Variants in PLIN1 observed in about 807,000 individuals in gnomAD.
The protein encoded by PLIN1 is perilipin-1.
In PLIN1, 37 loss-of-function variants were observed where a neutral mutation model predicts 45.8. The ratio of observed to expected loss-of-function variants is 0.81; its 90% confidence interval spans 0.62 to 1.06. PLIN1 has a LOEUF of 1.06. PLIN1 is among the 50% of genes least tolerant of loss of function. The pLI, the probability that PLIN1 is intolerant of heterozygous loss-of-function variation, is 0.00. For missense variants in PLIN1, 776 were observed against 716.5 expected, an observed-to-expected ratio of 1.08 and a Z score of -0.95; for synonymous variants, 340 against 309.2, an observed-to-expected ratio of 1.10 and a Z score of -1.05.
At chr15:89,667,850 G>A in intron 6 of PLIN1, 57 bp from the exon 7 acceptor site, 1 of 1,537,226 alleles carries the variant, frequency 6.5e-7, no homozygotes. Context: ...AGGCCAGGGA[G>A]CCCCAGCAGC....
chr15:89,665,668 C>G lies in PLIN1; in HGVS notation c.1484G>C (p.Arg495Thr), dbSNP rs1964322609. 6.7e-7 allele frequency: 1 copy of G among 1,490,380 alleles called. No homozygotes were observed. The highest frequency in any genetic ancestry group is 2.2e-5 in the Admixed American group (1 of 46,282). The allele number at this position is 1,490,380 out of a possible 1,614,324, so 92.3% of individuals were successfully genotyped here. Reference sequence around the variant, plus strand: ...GGGCCGGAAGAAGCTGTCGCTGACCCTGCGCTTTGGCTTCTCGCGGGGCAC... The same window carrying G: ...GGGCCGGAAGAAGCTGTCGCTGACCGTGCGCTTTGGCTTCTCGCGGGGCAC... Reference protein sequence around the residue: ...PAVPREKPKRRVSDSFFRPSV... With the variant: ...PAVPREKPKRTVSDSFFRPSV... The change falls in exon 9 of 9, where the codon AGG becomes ACG. Residue 495 changes from arginine to threonine, a missense_variant. Coordinates refer to ENST00000300055, the MANE Select transcript of PLIN1 (RefSeq NM_002666.5).
chr15:89,675,412 C>T (rs1964500668), intron 2 of PLIN1, among the ~76,000 whole-genome samples: 1 of 128,522 alleles, frequency 7.8e-6, no homozygotes, highest in Non-Finnish European at 1.6e-5. Context: ...TTTGAGACCA[C>T]TCTGAGCCAC....
chr15:89,665,893 T>C lies in PLIN1; in HGVS notation c.1259A>G (p.Asp420Gly). 1 of 1,534,380 alleles carries C rather than the reference T, an allele frequency of 6.5e-7. No individual in the cohort carries two copies. The highest frequency in any genetic ancestry group is 8.7e-7 in the Non-Finnish European group (1 of 1,149,846). ...GCGCTCGACCTCGGCTGGTGGGTTG[T>C]CGATGTCCCGGAATTCGCTCTCGGG... ...MEPESEFRDIDNPPAEVERRE... is the reference protein window; with the variant it reads ...MEPESEFRDIGNPPAEVERRE... Residue 420 changes from aspartate (D) to glycine (G), a missense_variant, in exon 9 of 9, where the codon GAC becomes GGC. Physicochemically the swap from Asp to Gly is moderately conservative, Grantham distance 94 (BLOSUM62 -1). Coordinates refer to ENST00000300055, the MANE Select transcript of PLIN1 (RefSeq NM_002666.5).
Position 89,664,589 on chromosome 15 carries a change from G to A in PLIN1, c.*994C>T, listed in dbSNP as rs1596037229. 1 of 260,974 alleles carries A rather than the reference G, an allele frequency of 3.8e-6. No homozygotes were observed. The highest frequency in any genetic ancestry group is 7.6e-6 in the Non-Finnish European group (1 of 130,946). 16.2% of individuals were successfully genotyped at this position (260,974 alleles called of 1,614,324 possible). A position where few individuals can be genotyped will look rare whatever the true frequency, so the allele number is the denominator to read the frequency against. On this transcript the variant is annotated 3_prime_UTR_variant, in exon 9 of 9. Coordinates refer to ENST00000300055, the MANE Select transcript of PLIN1 (RefSeq NM_002666.5). ...TATTAAGTGAAAAAAGCAGGCATGCGTAACACCCCACAGCTTGTGTAAACA... is the reference window on the plus strand; with the variant it reads ...TATTAAGTGAAAAAAGCAGGCATGCATAACACCCCACAGCTTGTGTAAACA...
intron 8 of PLIN1, among the ~76,000 whole-genome samples, chr15:89,666,434 G>T (rs1412414168): frequency 6.6e-6 from 1 of 152,204 alleles, no homozygotes; most frequent in Non-Finnish European, 1.5e-5. Context: ...TGCATAATCT[G>T]TAACCTGCTT....
chr15:89,669,681 G>T lies in PLIN1; in HGVS notation c.599-9C>A. On this transcript the variant is annotated splice_polypyrimidine_tract_variant and intron_variant, in intron 5 of 8. Transcript: ENST00000300055. Reference sequence around the variant, plus strand: ...GTGTCCAGGAGCAGGGGCTGGGTAGGGATTTGGGGGGAAAGAAGAGAAAAC... The same window carrying T: ...GTGTCCAGGAGCAGGGGCTGGGTAGTGATTTGGGGGGAAAGAAGAGAAAAC... The T allele has an allele frequency of 6.2e-7, 1 of 1,613,456 alleles. No homozygotes were observed. The highest frequency in any genetic ancestry group is 8.5e-7 in the Non-Finnish European group (1 of 1,179,720).
In PLIN1 at chr15:89,673,256, C is replaced by G. The variant is rs779785204; in HGVS notation, c.204G>C (p.Leu68Phe). The change falls in exon 3 of 9, where the codon TTG becomes TTC. Residue 68 changes from leucine (L) to phenylalanine (F), a missense_variant. By Grantham distance (22) the Leu-to-Phe change is conservative (BLOSUM62 0). Coordinates refer to ENST00000300055, the MANE Select transcript of PLIN1 (RefSeq NM_002666.5). ...YEKGVQSASS[L>F]AAWSMEPVVR... Reference sequence around the variant, plus strand: ...CCACCGGCTCCATGCTCCAGGCAGCCAAGCTACTGGCGCTCTGCACGCCCT... The same window carrying G: ...CCACCGGCTCCATGCTCCAGGCAGCGAAGCTACTGGCGCTCTGCACGCCCT... The G allele has an allele frequency of 1.3e-6, 2 of 1,580,572 alleles. No homozygotes were observed. Among genetic ancestry groups the G allele is most frequent in the Non-Finnish European group, 1.7e-6 (2 of 1,161,996 alleles).
At chr15:89,665,982 C>A in intron 8 of PLIN1, 40 bp from the exon 9 acceptor site, 2 of 1,406,990 alleles carry the variant, frequency 1.4e-6, no homozygotes, top group Non-Finnish European at 1.9e-6. Context: ...TGGCTTGGCC[C>A]TGGGCCCTGC....
chr15:89,670,033 C>T lies in PLIN1; in HGVS notation c.545G>A (p.Gly182Asp), dbSNP rs537206746. Residue 182 changes from glycine (G) to aspartate (D), a missense_variant, in exon 5 of 9, where the codon GGC becomes GAC. Coordinates refer to ENST00000300055, the MANE Select transcript of PLIN1 (RefSeq NM_002666.5). ...LASGGADLAL[G>D]SIEKVVEYLL... Reference sequence around the variant, plus strand: ...GTACTCCACCACCTTCTCAATGCTGCCCAAGGCCAAGTCGGCCCCTCCAGA... The same window carrying T: ...GTACTCCACCACCTTCTCAATGCTGTCCAAGGCCAAGTCGGCCCCTCCAGA... 1 of 1,613,854 alleles carries T rather than the reference C, an allele frequency of 6.2e-7. No homozygotes were observed. Among genetic ancestry groups the T allele is most frequent in the Non-Finnish European group, 8.5e-7 (1 of 1,179,926 alleles).
At chr15:89,673,542 C>A in intron 2 of PLIN1, 128 bp from the exon 3 acceptor site, 1 of 733,404 alleles carries the variant, frequency 1.4e-6, no homozygotes, top group Non-Finnish European at 2.4e-6. Flanking sequence ...GGAACCAAGG[C>A]CAAAGAGGTC....
At chr15:89,667,871 C>A (rs113880850) in intron 6 of PLIN1, 78 bp from the exon 7 acceptor site, 2 of 1,531,834 alleles carry the variant, frequency 1.3e-6, no homozygotes, top group East Asian at 2.5e-5. Context: ...CCAAGCCCCT[C>A]GCCCCCAGGG....
chr15:89,674,772 C>A (rs1964490626), intron 2 of PLIN1, among the ~76,000 whole-genome samples: 1 of 152,116 alleles, frequency 6.6e-6, no homozygotes, highest in South Asian at 2.1e-4. Context: ...TGTTAAATGG[C>A]TCCAGTTCCT....
At chr15:89,674,928 C>T (rs1964492474) in intron 2 of PLIN1, among the ~76,000 whole-genome samples, 2 of 151,778 alleles carry the variant, frequency 1.3e-5, no homozygotes, top group South Asian at 2.1e-4. Context: ...AGGGAGACCC[C>T]GTCTCTACAA....
Position 89,667,001 on chromosome 15 carries a change from A to G in PLIN1, c.1144T>C (p.Ser382Pro), listed in dbSNP as rs770784320. The change falls in exon 8 of 9, where the codon TCC (serine) becomes CCC (proline). Residue 382 changes from serine to proline, a missense_variant. Physicochemically the swap from Ser to Pro is moderately conservative, Grantham distance 74. Coordinates refer to ENST00000300055, the MANE Select transcript of PLIN1 (RefSeq NM_002666.5). The stretch of plus-strand genomic sequence containing the variant: ...ACGCCCTTCAGGGCATCTGATAGGG[A>G]CATGGCCCTCCCCTTGGTTGAGGAG... The part of the protein sequence containing the change: ...AVSSTKGRAM[S>P]LSDALKGVTD... The G allele has an allele frequency of 6.2e-7, 1 of 1,614,096 alleles. No individual in the cohort carries two copies. Among genetic ancestry groups the G allele is most frequent in the South Asian group, 1.1e-5 (1 of 91,076 alleles).
Position 89,667,250 on chromosome 15 carries a change from A to G in PLIN1, c.964-69T>C, listed in dbSNP as rs577302886. On this transcript the variant is annotated intron_variant, in intron 7 of 8. Transcript: ENST00000300055. Reference sequence around the variant, plus strand: ...TGACCCTTCCCTCCCCACCAGCCCCAGGGCTAGAGGGGAAAGCATGAGAAT... The same window carrying G: ...TGACCCTTCCCTCCCCACCAGCCCCGGGGCTAGAGGGGAAAGCATGAGAAT... The G allele has an allele frequency of 5.3e-5, 84 of 1,589,880 alleles. No individual in the cohort carries two copies. In the East Asian group the frequency reaches 1.3e-3, roughly 25 times the overall value.
Position 89,665,794 on chromosome 15 carries a change from C to A in PLIN1, c.1358G>T (p.Arg453Leu). ...GCTCTGCGCGCTGCGCAGGCTGCGG[C>A]GGGGCTGTGCGAGACGCGGGGCGGG... ...PEPAPRLAQP[R>L]RSLRSAQSPG... Residue 453 changes from arginine to leucine, a missense_variant, in exon 9 of 9, where the codon CGC becomes CTC. Transcript: ENST00000300055. 1 of 1,299,352 alleles carries A rather than the reference C, an allele frequency of 7.7e-7. No homozygotes were observed. Among genetic ancestry groups the A allele is most frequent in the African/African-American group, 1.6e-5 (1 of 64,392 alleles). The allele number at this position is 1,299,352 out of a possible 1,614,324, so 80.5% of individuals were successfully genotyped here.
Position 89,669,637 on chromosome 15 carries a change from G to GA in PLIN1, c.633dup (p.Pro212SerfsTer85), listed in dbSNP as rs759688745. On this transcript the variant is annotated frameshift_variant, in exon 6 of 9. Transcript: ENST00000300055. LOFTEE classifies it high-confidence loss of function. The stretch of plus-strand genomic sequence containing the variant: ...CTCAAGAGGCTTGGCTTGGCCTTGG[G>GA]AGACTTCTGGGCTTGCTGGTGTCCA... 6.2e-6 allele frequency: 10 copies of GA among 1,613,968 alleles called. No individual in the cohort carries two copies. The African/African-American group carries it at 1.2e-4, about 19-fold the overall frequency.
At position 89,673,418 on chromosome 15, in the gene PLIN1, G is replaced by A. The variant is rs1964471173; in HGVS notation, c.46-4C>T. On this transcript the variant is annotated splice_region_variant and splice_polypyrimidine_tract_variant and intron_variant, in intron 2 of 8. Coordinates refer to ENST00000300055, the MANE Select transcript of PLIN1 (RefSeq NM_002666.5). The stretch of plus-strand genomic sequence containing the variant: ...GCTGCAGCACATTCTCCTGCTCCTG[G>A]TGCGGAAGGAACACATTCAAGTTGT... 6.3e-7 allele frequency: 1 copy of A among 1,593,086 alleles called. No individual in the cohort carries two copies. The highest frequency in any genetic ancestry group is 8.6e-7 in the Non-Finnish European group (1 of 1,169,238).
chr15:89,678,013 C>A (rs948647283), intron 1 of PLIN1: 1 of 154,896 alleles, frequency 6.5e-6, no homozygotes, highest in Non-Finnish European at 1.4e-5. Flanking sequence ...CCTGCCTAGA[C>A]CTCCCAAAGT....
Sources: allele counts gnomAD v4.1 joint callset (sites outside exome capture counted in the v4.1 genomes callset), GRCh38; gene constraint gnomAD v4.1.1; transcripts MANE v1.5; gene names NCBI Gene and HGNC (gene_info 2026-07-23, HGNC 2026-07-21).